The following ZC3H4 variants were observed in gnomAD, a reference collection of about 807,000 sequenced individuals.
ZC3H4 encodes the protein zinc finger CCCH-type containing 4, also known as zinc finger CCCH domain-containing protein 4.
Under a neutral mutation model 108.3 loss-of-function variants are expected in ZC3H4, and 13 were observed. The observed-to-expected ratio is 0.12, with a 90% CI of 0.08 to 0.19. The LOEUF is 0.19. Among genes scored for constraint, ZC3H4 ranks in the 10% least tolerant of loss-of-function variants. The pLI is 1.00. For missense variants in ZC3H4, 1,734 were observed against 1,838.8 expected, an observed-to-expected ratio of 0.94 and a Z score of 1.04; for synonymous variants, 917 against 749.6, an observed-to-expected ratio of 1.22 and a Z score of -3.65.
intron 8 of ZC3H4, 138 bp downstream of exon 8, chr19:47,084,918 T>TGCTGGTCAACACTGGCCA (rs2057588897): frequency 8.7e-7 from 1 of 1,151,498 alleles, no homozygotes; most frequent in African/African-American, 1.5e-5. Flanking sequence ...TCGCTGGTTA[T>TGCTGGTCAACACTGGCCA]GCTGGTCAAC....
chr19:47,069,069 C>T (rs777491519), intron 14 of ZC3H4, 23 bp downstream of exon 14: 23 of 1,601,476 alleles, frequency 1.4e-5, no homozygotes, highest in African/African-American at 4.0e-5. Flanking sequence ...GCCTGTGCCC[C>T]GGCCCCTGGG....
rs1218786797 is a variant in ZC3H4, at chr19:47,084,946, G to T, written c.1107+110C>A. 32 of 1,456,706 alleles carry T rather than the reference G, an allele frequency of 2.2e-5. 1 individual carries two copies. The South Asian group carries it at 3.6e-4, about 17-fold the overall frequency. 90.2% of individuals were successfully genotyped at this position (1,456,706 alleles called of 1,614,324 possible). A position where few individuals can be genotyped will look rare whatever the true frequency, so the allele number is the denominator to read the frequency against. ...TGGTCAACACTGGCCAGCCCTTTGG[G>T]GGGTGGCTGATGGCAGCAAGGATCA... On this transcript the variant is annotated intron_variant, in intron 8 of 14. Transcript: ENST00000253048.
Position 47,086,400 on chromosome 19 carries a change from T to C in ZC3H4, c.854A>G (p.Tyr285Cys), listed in dbSNP as rs746900879. ...GDHPEDEEDFYEEEMDYGESE... is the reference protein window; with the variant it reads ...GDHPEDEEDFCEEEMDYGESE... ...AAACCTTACGTCCATCTCTTCCTCG[T>C]AGAAATCCTCTTCATCCTCCGGGTG... Residue 285 changes from tyrosine to cysteine, a missense_variant, in exon 6 of 15, where the codon TAC becomes TGC. Around this residue, in one of 9 missense-constraint regions of ZC3H4, gnomAD observed 403 missense variants for 457.0 expected, o/e 0.88. Coordinates refer to ENST00000253048, the MANE Select transcript of ZC3H4 (RefSeq NM_015168.2). 16 of 1,613,556 alleles carry C rather than the reference T, an allele frequency of 9.9e-6. No homozygotes were observed. The South Asian group carries it at 1.3e-4, about 13-fold the overall frequency.
intron 14 of ZC3H4, among the ~76,000 whole-genome samples, chr19:47,068,406 G>A (rs1167169944): frequency 6.6e-6 from 1 of 152,184 alleles, no homozygotes; most frequent in Non-Finnish European, 1.5e-5. Context: ...GGCTCGTGAT[G>A]TCCCCATGTC....
intron 2 of ZC3H4, among the ~76,000 whole-genome samples, chr19:47,106,083 G>GAGAAGCACTC (rs1276571093): frequency 1.3e-5 from 2 of 152,228 alleles, no homozygotes; most frequent in African/African-American, 4.8e-5. Flanking sequence ...GCTAATGCAT[G>GAGAAGCACTC]AGAAGCACTC....
At chr19:47,068,469 G>A (rs933290102) in intron 14 of ZC3H4, among the ~76,000 whole-genome samples, 4 of 152,224 alleles carry the variant, frequency 2.6e-5, no homozygotes, top group African/African-American at 9.6e-5. Context: ...TAAGAGGCAG[G>A]GCCGGCTGGG....
In ZC3H4 at chr19:47,090,767, G is replaced by A. The variant is rs117890263; in HGVS notation, c.493-578C>T. 4.9e-4 allele frequency among the ~76,000 whole-genome samples: 75 copies of A among 152,326 alleles called. 1 individual carries two copies. Among genetic ancestry groups the A allele is most frequent in the East Asian group, 4.6e-3 (24 of 5,190 alleles). Reference sequence around the variant, plus strand: ...AACGACGAATATGTAACAATAAAGTGTGTATTGGGCAAAACCCAGAGAACT... The same window carrying A: ...AACGACGAATATGTAACAATAAAGTATGTATTGGGCAAAACCCAGAGAACT... On this transcript the variant is annotated intron_variant, in intron 4 of 14. Coordinates refer to ENST00000253048, the MANE Select transcript of ZC3H4 (RefSeq NM_015168.2).
chr19:47,091,695 G>C (rs1001802740), intron 4 of ZC3H4, among the ~76,000 whole-genome samples: 1 of 151,888 alleles, frequency 6.6e-6, no homozygotes, highest in Non-Finnish European at 1.5e-5. Flanking sequence ...AGACCAGCCT[G>C]GCCAACATAG....
chr19:47,112,557 GC>G lies in ZC3H4; in HGVS notation c.27del (p.Pro10ArgfsTer94). On this transcript the variant is annotated frameshift_variant, in exon 2 of 15. Transcript: ENST00000253048. LOFTEE classifies it high-confidence loss of function. Reference sequence around the variant, plus strand: ...GGCGGCGGCGACTCTGATGGCGGCGGCGGGGGGGTCCCGGGCGCGGCCTCCA... The same window carrying G: ...GGCGGCGGCGACTCTGATGGCGGCGGGGGGGGGTCCCGGGCGCGGCCTCCA... MEAAPGTP[P>X]PPPSESPPPP... 9.7e-7 allele frequency: 1 copy of G among 1,031,658 alleles called. No homozygotes were observed. The highest frequency in any genetic ancestry group is 1.3e-6 in the Non-Finnish European group (1 of 800,000). The allele number at this position is 1,031,658 out of a possible 1,614,324, so 63.9% of individuals were successfully genotyped here. A position where few individuals can be genotyped will look rare whatever the true frequency, so the allele number is the denominator to read the frequency against.
rs763423636 is a variant in ZC3H4, at chr19:47,066,884, G to T, written c.3384C>A (p.Ala1128=). ...TAPYDPRVLA[A]GGLGQGGGGG... is the part of the protein sequence containing the mutation. ...CCCCTCCGCCCTGGCCCAGTCCACC[G>T]GCCGCCAGCACGCGGGGGTCGTAGG... is the stretch of plus-strand genomic sequence containing the variant. The change falls in exon 15 of 15, where the codon GCC becomes GCA. Residue 1128 remains alanine, a synonymous_variant. Coordinates refer to ENST00000253048, the MANE Select transcript of ZC3H4 (RefSeq NM_015168.2). 5.6e-6 allele frequency: 9 copies of T among 1,598,178 alleles called. No individual in the cohort carries two copies. The highest frequency in any genetic ancestry group is 7.6e-6 in the Non-Finnish European group (9 of 1,178,558).
At position 47,072,528 on chromosome 19, in the gene ZC3H4, CG is replaced by C; in HGVS notation, c.1625del (p.Pro542ArgfsTer59). 1.2e-5 allele frequency: 2 copies of C among 167,808 alleles called. No individual in the cohort carries two copies. The highest frequency in any genetic ancestry group is 1.5e-5 in the Non-Finnish European group (2 of 132,736). 10.4% of individuals were successfully genotyped at this position (167,808 alleles called of 1,614,324 possible). The stretch of plus-strand genomic sequence containing the variant: ...GTGGGGGAGGGGGAGGGGGCGGGGG[CG>C]GGGGGCCACCCTGCATGGGCCTGCC... The part of the protein sequence containing the change: ...PNGRPMQGGP[P>X]PPPPPPPPPP... On this transcript the variant is annotated frameshift_variant, in exon 12 of 15. Transcript: ENST00000253048. LOFTEE classifies it high-confidence loss of function. The surrounding 1 kb of genome is among the most constrained non-coding windows in gnomAD (Gnocchi z 5.6).
In ZC3H4 at chr19:47,094,458, C is replaced by T; in HGVS notation, c.312G>A (p.Lys104=). The T allele has an allele frequency of 6.2e-7, 1 of 1,614,232 alleles. No homozygotes were observed. Among genetic ancestry groups the T allele is most frequent in the Non-Finnish European group, 8.5e-7 (1 of 1,180,050 alleles). The change falls in exon 3 of 15, where the codon AAG becomes AAA. Residue 104 remains lysine, a synonymous_variant. Coordinates refer to ENST00000253048, the MANE Select transcript of ZC3H4 (RefSeq NM_015168.2). ...TCTCCCGCTCTTTCTTCCGTTTCCG[C>T]TTCAGTCTCCTGTGGGACTTCTCCT... ...SDEEKSHRRL[K]RKRKKEREKE... is the part of the protein sequence containing the mutation.
intron 2 of ZC3H4, chr19:47,096,978 C>T: frequency 2.0e-6 from 2 of 985,408 alleles, no homozygotes; most frequent in Non-Finnish European, 2.4e-6. Flanking sequence ...CTTCCCTGTC[C>T]TGATGCCACT....
rs1256257128 is a variant in ZC3H4 at position 47,066,994 on chromosome 19, A to C, written c.3274T>G (p.Ser1092Ala). ...LQKPTDSTASSRAAKPGPAEA... is the reference protein window; with the variant it reads ...LQKPTDSTASARAAKPGPAEA... ...GCAGGGCCGGGCTTGGCAGCCCGGG[A>C]GGAGGCCGTAGAGTCTGTGGGTTTC... Residue 1092 changes from serine (S) to alanine (A), a missense_variant, in exon 15 of 15, where the codon TCC (serine) becomes GCC (alanine). This residue lies in a region of ZC3H4 where 518 missense variants were observed against 499.6 expected (regional missense o/e 1.04). Transcript: ENST00000253048. 1 of 1,588,688 alleles carries C rather than the reference A, an allele frequency of 6.3e-7. No individual in the cohort carries two copies. The highest frequency in any genetic ancestry group is 8.6e-7 in the Non-Finnish European group (1 of 1,167,598).
In ZC3H4 at chr19:47,084,369, G is replaced by A; in HGVS notation, c.1194C>T (p.Tyr398=). The A allele has an allele frequency of 6.2e-7, 1 of 1,614,232 alleles. No individual in the cohort carries two copies. Among genetic ancestry groups the A allele is most frequent in the South Asian group, 1.1e-5 (1 of 91,082 alleles). Residue 398 remains tyrosine, a synonymous_variant, in exon 9 of 15, where the codon TAC becomes TAT. Transcript: ENST00000253048. ...SDKKGKVICK[Y]FVEGRCTWGD... ...CCCAGGTGCAGCGCCCTTCCACGAA[G>A]TACTTGCAAATGACTTTGCCTTTCT... is the stretch of plus-strand genomic sequence containing the variant.
chr19:47,097,425 C>T (rs538876519), intron 2 of ZC3H4, among the ~76,000 whole-genome samples: 19 of 152,328 alleles, frequency 1.2e-4, no homozygotes, highest in African/African-American at 3.8e-4. Context: ...CAAGCCCCTC[C>T]GAGCCCTGGG....
intron 5 of ZC3H4, among the ~76,000 whole-genome samples, chr19:47,087,195 G>C (rs543399249): frequency 6.6e-6 from 1 of 151,666 alleles, no homozygotes; most frequent in Non-Finnish European, 1.5e-5. Context: ...AGAATTGCTT[G>C]AACCCGGGAG....
intron 2 of ZC3H4, among the ~76,000 whole-genome samples, chr19:47,103,753 C>A (rs2057932891): frequency 7.1e-6 from 1 of 141,520 alleles, no homozygotes; most frequent in African/African-American, 2.6e-5. Flanking sequence ...GGTGAAACCC[C>A]GTCTCTACTA....
At position 47,067,415 on chromosome 19, in the gene ZC3H4, G is replaced by A. The variant is rs1393972164; in HGVS notation, c.2853C>T (p.Asp951=). The stretch of plus-strand genomic sequence containing the variant: ...TGAACTGCTGCAGCTGTGACCGTGG[G>A]TCCCGCAGAGGGTGCCCGGGGAGTG... The part of the protein sequence containing the change: ...LDPLPGHPLR[D]PRSQLQQFSH... Residue 951 remains aspartate (D), a synonymous_variant, in exon 15 of 15, where the codon GAC becomes GAT. Transcript: ENST00000253048. This position sits in a 1 kb window ranked among gnomAD's most constrained non-coding sequence, Gnocchi z 6.4. The A allele has an allele frequency of 8.7e-6, 14 of 1,607,462 alleles. No homozygotes were observed. The highest frequency in any genetic ancestry group is 1.2e-5 in the Non-Finnish European group (14 of 1,176,270).
Sources: gnomAD v4.1 joint callset for allele counts (sites outside exome capture counted in the v4.1 genomes callset) on GRCh38, gnomAD v4.1.1 for gene constraint, gnomAD v4.1.1 regional missense constraint, Gnocchi (gnomAD v3.1) non-coding constraint, MANE v1.5 for transcripts, NCBI Gene and HGNC (gene_info 2026-07-23, HGNC 2026-07-21) for gene names.